SLC30A4: variants seen among roughly 807,000 people sequenced by gnomAD.
SLC30A4 encodes the protein probable proton-coupled zinc antiporter SLC30A4.
Under a neutral mutation model 41.7 loss-of-function variants are expected in SLC30A4, and 20 were observed. The observed-to-expected ratio is 0.48, with a 90% CI of 0.34 to 0.70. The LOEUF is 0.70. Among genes scored for constraint, SLC30A4 ranks in the 30% least tolerant of loss-of-function variants. The probability of loss-of-function intolerance (pLI) is 0.01; values close to 1 mark genes in which losing one functional copy is unlikely to be tolerated. For synonymous variants in SLC30A4, 181 were observed against 195.9 expected (o/e 0.92, Z 0.64); for missense variants, 441 against 529.3 (o/e 0.83, Z 1.64).
At chr15:45,507,285 A>G (rs12913382) in intron 3 of SLC30A4, among the ~76,000 whole-genome samples, 2 of 151,012 alleles carry the variant, frequency 1.3e-5, no homozygotes, top group Non-Finnish European at 2.9e-5. Flanking sequence ...GCGCCATTGC[A>G]CTCCAGCCTG....
At chr15:45,497,322 A>G (rs917206002) in intron 3 of SLC30A4, 1 of 152,178 alleles carries the variant, frequency 6.6e-6, no homozygotes, top group East Asian at 1.9e-4. Context: ...TGCCAGTATC[A>G]GCCTCCCAAA....
In SLC30A4 at chr15:45,522,344, G is replaced by C. The variant is rs1892700541; in HGVS notation, c.11C>G (p.Ser4Cys). 5 of 1,609,756 alleles carry C rather than the reference G, an allele frequency of 3.1e-6. No homozygotes were observed. Among genetic ancestry groups the C allele is most frequent in the Non-Finnish European group, 4.2e-6 (5 of 1,178,364 alleles). MAG[S>C]GAWKRLKSML... ...AGATTTGAGGCGCTTCCACGCGCCA[G>C]AGCCGGCCATGGCAGAGGCTGAGCG... Residue 4 changes from serine to cysteine, a missense_variant, in exon 2 of 8, where the codon TCT becomes TGT. Ser to Cys is a moderately radical substitution (Grantham distance 112). Transcript: ENST00000261867.
chr15:45,500,614 GT>G (rs34084541), intron 3 of SLC30A4, among the ~76,000 whole-genome samples: 3 of 149,626 alleles, frequency 2.0e-5, no homozygotes, highest in Admixed American at 1.3e-4. Flanking sequence ...TTAAGGGTCT[GT>G]CTATCTATCT....
intron 2 of SLC30A4, chr15:45,521,035 G>C (rs1451441346): frequency 2.1e-6 from 1 of 465,786 alleles, no homozygotes; most frequent in Non-Finnish European, 4.4e-6. Context: ...GGTAGGAAAT[G>C]TATATAATTT....
At position 45,482,096 on chromosome 15, in the gene SLC30A4, G is replaced by T. The variant is rs1891611053; in HGVS notation, c.*3067C>A. 1 of 140,726 alleles carries T rather than the reference G, an allele frequency of 7.1e-6. No individual in the cohort carries two copies. The highest frequency in any genetic ancestry group is 7.5e-5 in the Admixed American group (1 of 13,344). 8.7% of individuals were successfully genotyped at this position (140,726 alleles called of 1,614,324 possible). A position where few individuals can be genotyped will look rare whatever the true frequency, so the allele number is the denominator to read the frequency against. ...AAAAAAAAAAAAAAAGATTTACAAA[G>T]GTTTGCAGTGTTTCTGTATTTTACA... is the stretch of plus-strand genomic sequence containing the variant. On this transcript the variant is annotated 3_prime_UTR_variant, in exon 8 of 8. Transcript: ENST00000261867.
At chr15:45,501,855 A>G (rs1472562739) in intron 3 of SLC30A4, among the ~76,000 whole-genome samples, 1 of 152,110 alleles carries the variant, frequency 6.6e-6, no homozygotes, top group African/African-American at 2.4e-5. Context: ...TCCTGTCCCT[A>G]TTTAACTCAT....
intron 2 of SLC30A4, among the ~76,000 whole-genome samples, chr15:45,516,811 T>C (rs1892494480): frequency 6.6e-6 from 1 of 151,744 alleles, no homozygotes; most frequent in Non-Finnish European, 1.5e-5. Context: ...TGGAGGCTGC[T>C]ACTCAGGAGG....
In SLC30A4 at chr15:45,522,181, C is replaced by T. The variant is rs1400157964; in HGVS notation, c.174G>A (p.Pro58=). The stretch of plus-strand genomic sequence containing the variant: ...GGTGCGCCCCGTTAACAGGCCTTTC[C>T]GGGGCTTCGGAACCGTCATCGGCCA... ...VVVADDGSEA[P]ERPVNGAHPT... is the part of the protein sequence containing the mutation. The change falls in exon 2 of 8, where the codon CCG becomes CCA. Residue 58 remains proline, a synonymous_variant. Transcript: ENST00000261867. 1.3e-5 allele frequency: 21 copies of T among 1,614,114 alleles called. No homozygotes were observed. Among genetic ancestry groups the T allele is most frequent in the Non-Finnish European group, 1.8e-5 (21 of 1,180,056 alleles).
intron 2 of SLC30A4, among the ~76,000 whole-genome samples, chr15:45,520,355 C>T (rs2140865372): frequency 6.6e-6 from 1 of 152,044 alleles, no homozygotes; most frequent in East Asian, 1.9e-4. Context: ...CCACAACTTC[C>T]GCCTCCCGGG....
intron 3 of SLC30A4, among the ~76,000 whole-genome samples, chr15:45,507,949 T>C (rs148762029): frequency 2.6e-5 from 4 of 152,276 alleles, no homozygotes; most frequent in African/African-American, 9.6e-5. Flanking sequence ...CTATCCTTTG[T>C]AAAAAGGAAA....
At chr15:45,505,050 G>A (rs1892121370) in intron 3 of SLC30A4, among the ~76,000 whole-genome samples, 1 of 151,940 alleles carries the variant, frequency 6.6e-6, no homozygotes, top group Admixed American at 6.6e-5. Context: ...GGCCAACGTG[G>A]TGAAACCCCA....
In SLC30A4 at chr15:45,481,298, T is replaced by C. The variant is rs996771762; in HGVS notation, c.*3865A>G. 5.9e-5 allele frequency: 9 copies of C among 152,252 alleles called. No individual in the cohort carries two copies. Among genetic ancestry groups the C allele is most frequent in the African/African-American group, 1.9e-4 (8 of 41,468 alleles). The allele number at this position is 152,252 out of a possible 1,614,324, so 9.4% of individuals were successfully genotyped here. On this transcript the variant is annotated 3_prime_UTR_variant, in exon 8 of 8. Transcript: ENST00000261867. ...ATAAGGCATAGCTAATGGAAATGTATGTAGGAATTACAATAGCTTCCAGTT... is the reference window on the plus strand; with the variant it reads ...ATAAGGCATAGCTAATGGAAATGTACGTAGGAATTACAATAGCTTCCAGTT...
chr15:45,490,681 G>C, intron 4 of SLC30A4, 47 bp downstream of exon 4: 4 of 1,299,180 alleles, frequency 3.1e-6, no homozygotes, highest in Non-Finnish European at 4.3e-6. Context: ...AATAGTCTCT[G>C]AGTTCACAGT....
At chr15:45,519,851 A>C (rs1031180427) in intron 2 of SLC30A4, among the ~76,000 whole-genome samples, 1 of 152,368 alleles carries the variant, frequency 6.6e-6, no homozygotes, top group East Asian at 1.9e-4. Flanking sequence ...AACTTCAAAA[A>C]TCATTAAACC....
chr15:45,522,165 C>G lies in SLC30A4; in HGVS notation c.190G>C (p.Gly64Arg), dbSNP rs148549828. 99 of 1,614,206 alleles carry G rather than the reference C, an allele frequency of 6.1e-5. No homozygotes were observed. The African/African-American group carries it at 1.2e-3, about 20-fold the overall frequency. ...TCGGCCTGGAGGGTCGGGTGCGCCC[C>G]GTTAACAGGCCTTTCCGGGGCTTCG... ...GSEAPERPVN[G>R]AHPTLQADDD... The change falls in exon 2 of 8, where the codon GGG becomes CGG. Residue 64 changes from glycine to arginine, a missense_variant. Physicochemically the swap from Gly to Arg is moderately radical, Grantham distance 125 (BLOSUM62 -2). Coordinates refer to ENST00000261867, the MANE Select transcript of SLC30A4 (RefSeq NM_013309.6).
rs1012836314 is a variant in SLC30A4, at chr15:45,483,989, A to G, written c.*1174T>C. On this transcript the variant is annotated 3_prime_UTR_variant, in exon 8 of 8. Coordinates refer to ENST00000261867, the MANE Select transcript of SLC30A4 (RefSeq NM_013309.6). Reference sequence around the variant, plus strand: ...ACATTTCTGCTATGGTATTATTGGAAAACCTCAAAATTGTATTTTAGGGTT... The same window carrying G: ...ACATTTCTGCTATGGTATTATTGGAGAACCTCAAAATTGTATTTTAGGGTT... 6 of 152,458 alleles carry G rather than the reference A, an allele frequency of 3.9e-5. No individual in the cohort carries two copies. Among genetic ancestry groups the G allele is most frequent in the African/African-American group, 1.4e-4 (6 of 41,468 alleles). The allele number at this position is 152,458 out of a possible 1,614,324, so 9.4% of individuals were successfully genotyped here.
At chr15:45,485,461 G>C (rs1891680358) in intron 7 of SLC30A4, 144 bp from the exon 8 acceptor site, 2 of 584,526 alleles carry the variant, frequency 3.4e-6, no homozygotes, top group Non-Finnish European at 5.8e-6. Context: ...TGTTAGATAA[G>C]TAGGTCAATT....
At chr15:45,486,581 C>G (rs1891710197) in intron 7 of SLC30A4, 30 bp downstream of exon 7, 1 of 1,562,068 alleles carries the variant, frequency 6.4e-7, no homozygotes, top group African/African-American at 1.4e-5. Flanking sequence ...TCCACCAACC[C>G]CAGGCCCACA....
At position 45,511,063 on chromosome 15, in the gene SLC30A4, C is replaced by T. The variant is rs1259929056; in HGVS notation, c.538+75G>A. On this transcript the variant is annotated intron_variant, in intron 3 of 7. Coordinates refer to ENST00000261867, the MANE Select transcript of SLC30A4 (RefSeq NM_013309.6). ...AAACAAGATATCACTGGAACGAGTTCAGTTAATCAGGGTTATAGTTCATTG... is the reference window on the plus strand; with the variant it reads ...AAACAAGATATCACTGGAACGAGTTTAGTTAATCAGGGTTATAGTTCATTG... 8.0e-6 allele frequency: 9 copies of T among 1,130,168 alleles called. No homozygotes were observed. The African/African-American group carries it at 1.2e-4, about 16-fold the overall frequency. The allele number at this position is 1,130,168 out of a possible 1,614,324, so 70.0% of individuals were successfully genotyped here.
Sources: allele counts gnomAD v4.1 joint callset (sites outside exome capture counted in the v4.1 genomes callset), GRCh38; gene constraint gnomAD v4.1.1; transcripts MANE v1.5; gene names NCBI Gene and HGNC (gene_info 2026-07-23, HGNC 2026-07-21).